The following IL1RAPL2 variants were observed in gnomAD, a reference collection of about 807,000 sequenced individuals.
The protein encoded by IL1RAPL2 is interleukin 1 receptor accessory protein like 2, also known as X-linked interleukin-1 receptor accessory protein-like 2.
Under a neutral mutation model 44.1 loss-of-function variants are expected in IL1RAPL2, and 3 were observed. The ratio of observed to expected loss-of-function variants is 0.07; its 90% CI spans 0.03 to 0.18. IL1RAPL2 has a LOEUF of 0.18. Among genes scored for constraint, IL1RAPL2 ranks in the 10% least tolerant of loss-of-function variants. The pLI is 1.00. For synonymous variants in IL1RAPL2, 181 were observed against 178.8 expected (o/e 1.01, Z -0.10); for missense variants, 391 against 496.4 (o/e 0.79, Z 2.02).
chrX:105,099,280 A>C (rs1354053293), intron 2 of IL1RAPL2, among the ~76,000 whole-genome samples: 9 of 110,373 alleles, frequency 8.2e-5, no homozygotes, highest in African/African-American at 2.3e-4. Flanking sequence ...GGTAATTTAC[A>C]AAGAAAAGAG....
Position 104,566,219 on chromosome X carries a change from A to G in IL1RAPL2, c.-852A>G, listed in dbSNP as rs1928026608. The G allele has an allele frequency of 9.0e-6, 1 of 111,069 alleles. No homozygotes were observed. Among genetic ancestry groups the G allele is most frequent in the South Asian group, 3.9e-4 (1 of 2,585 alleles). 9.2% of individuals were successfully genotyped at this position (111,069 alleles called of 1,213,427 possible). A position where few individuals can be genotyped will look rare whatever the true frequency, so the allele number is the denominator to read the frequency against. On this transcript the variant is annotated 5_prime_UTR_variant, in exon 1 of 11. Transcript: ENST00000372582. ...CAATCAGTCAGCCAGGAGGCTCCAA[A>G]CTGTTAGCGACAAAAACGCAGCTCT...
chrX:105,023,888 G>A (rs113940868), intron 2 of IL1RAPL2, among the ~76,000 whole-genome samples: 7,376 of 110,337 alleles, frequency 0.067, 656 homozygotes, highest in African/African-American at 0.23. Context: ...TCAAAAGGGT[G>A]GTATTATTTG....
At chrX:105,684,637 A>G (rs1454690264) in intron 6 of IL1RAPL2, among the ~76,000 whole-genome samples, 1 of 112,659 alleles carries the variant, frequency 8.9e-6, no homozygotes, top group Non-Finnish European at 1.9e-5. Flanking sequence ...CAACTTCTGC[A>G]GACTTAAACA....
At chrX:105,334,647 C>T (rs112233734) in intron 5 of IL1RAPL2, among the ~76,000 whole-genome samples, 6,852 of 111,221 alleles carry the variant, frequency 0.062, 499 homozygotes, top group African/African-American at 0.21. Context: ...CTACTATGTA[C>T]CCACAAACAT....
Position 104,905,747 on chromosome X carries a change from A to G in IL1RAPL2, c.82+246752A>G, listed in dbSNP as rs987575071. ...TGAAGTCAGGTAGTGTGATGCCTCC[A>G]GCTTTGTTCTTTTGGCTTAGGATTG... On this transcript the variant is annotated intron_variant, in intron 2 of 10. Coordinates refer to ENST00000372582, the MANE Select transcript of IL1RAPL2 (RefSeq NM_017416.2). Among the ~76,000 whole-genome samples the G allele has an allele frequency of 1.5e-3, 162 of 111,284 alleles. 1 individual carries two copies. The highest frequency in any genetic ancestry group is 4.9e-3 in the African/African-American group (151 of 30,576).
At chrX:104,653,908 T>C (rs1930201838) in intron 1 of IL1RAPL2, among the ~76,000 whole-genome samples, 1 of 111,586 alleles carries the variant, frequency 9.0e-6, no homozygotes, top group Non-Finnish European at 1.9e-5. Context: ...TTGCCATTTT[T>C]GTATCTTGAA....
chrX:104,590,925 C>A (rs959908586), intron 1 of IL1RAPL2, among the ~76,000 whole-genome samples: 13 of 111,851 alleles, frequency 1.2e-4, no homozygotes, highest in African/African-American at 3.9e-4. Context: ...CCTTAACATA[C>A]AGGTAATGGA....
chrX:105,335,993 AT>A (rs1328217855), intron 5 of IL1RAPL2, among the ~76,000 whole-genome samples: 24 of 112,266 alleles, frequency 2.1e-4, no homozygotes, highest in African/African-American at 7.7e-4. Flanking sequence ...GAGTACAGTT[AT>A]TGGTTAAGAT....
At chrX:104,627,512 A>G (rs1372373398) in intron 1 of IL1RAPL2, among the ~76,000 whole-genome samples, 2 of 111,102 alleles carry the variant, frequency 1.8e-5, no homozygotes, top group Non-Finnish European at 3.8e-5. Flanking sequence ...CTATGTTTCT[A>G]TTTTAACACC....
At chrX:104,784,011 C>T (rs1932786802) in intron 2 of IL1RAPL2, among the ~76,000 whole-genome samples, 1 of 110,872 alleles carries the variant, frequency 9.0e-6, no homozygotes, top group African/African-American at 3.3e-5. Context: ...AGTTCTAACC[C>T]TGCTCTATTT....
chrX:105,714,802 T>A (rs779743621), intron 6 of IL1RAPL2, among the ~76,000 whole-genome samples: 1 of 112,056 alleles, frequency 8.9e-6, no homozygotes, highest in Non-Finnish European at 1.9e-5. Flanking sequence ...GGTGGGGACA[T>A]TCAAACCATA....
chrX:105,506,275 A>G (rs766191977), intron 6 of IL1RAPL2, among the ~76,000 whole-genome samples: 86 of 111,590 alleles, frequency 7.7e-4, no homozygotes, highest in Middle Eastern at 4.6e-3. Context: ...TCATGATGCC[A>G]TGGGTGTCCA....
intron 10 of IL1RAPL2, among the ~76,000 whole-genome samples, chrX:105,759,121 G>C (rs1376432937): frequency 8.9e-6 from 1 of 111,815 alleles, no homozygotes. Context: ...TCTTATCTCA[G>C]TGTTTCTGTA....
intron 2 of IL1RAPL2, among the ~76,000 whole-genome samples, chrX:104,773,699 G>A (rs1279599843): frequency 8.9e-6 from 1 of 112,266 alleles, no homozygotes; most frequent in Admixed American, 9.4e-5. Context: ...TATAACTTCT[G>A]GAGTTGCTAC....
At chrX:105,452,279 G>A (rs770812721) in intron 5 of IL1RAPL2, among the ~76,000 whole-genome samples, 8 of 111,272 alleles carry the variant, frequency 7.2e-5, no homozygotes, top group Non-Finnish European at 1.1e-4. Flanking sequence ...TTTTGAGACC[G>A]TTTATCTTTT....
intron 2 of IL1RAPL2, among the ~76,000 whole-genome samples, chrX:104,809,646 A>G (rs1443487277): frequency 2.7e-5 from 3 of 109,342 alleles, no homozygotes; most frequent in African/African-American, 1.0e-4. Context: ...TCAGATGAGT[A>G]GGTTGCGAAA....
intron 6 of IL1RAPL2, among the ~76,000 whole-genome samples, chrX:105,557,085 G>A (rs1298887872): frequency 8.9e-6 from 1 of 111,772 alleles, no homozygotes; most frequent in Admixed American, 9.5e-5. Context: ...GTTTGAAGTC[G>A]AAAGTCTTTT....
At chrX:104,653,324 T>C (rs780842573) in intron 1 of IL1RAPL2, among the ~76,000 whole-genome samples, 2 of 111,491 alleles carry the variant, frequency 1.8e-5, no homozygotes, top group African/African-American at 3.3e-5. Context: ...TCATTTTCCA[T>C]GTCTCTTGGG....
intron 2 of IL1RAPL2, among the ~76,000 whole-genome samples, chrX:104,805,059 G>A (rs1029361586): frequency 5.4e-5 from 6 of 111,731 alleles, no homozygotes; most frequent in Non-Finnish European, 3.8e-5. Context: ...TGCCTAAAAC[G>A]TCCAGTGTAT....
Sources: gnomAD v4.1 joint callset for allele counts (sites outside exome capture counted in the v4.1 genomes callset) on GRCh38, gnomAD v4.1.1 for gene constraint, MANE v1.5 for transcripts, NCBI Gene and HGNC (gene_info 2026-07-23, HGNC 2026-07-21) for gene names.